PSD: variants seen among roughly 807,000 people sequenced by gnomAD.
PSD encodes PH and SEC7 domain-containing protein 1.
PSD carries 32 observed loss-of-function variants against 91.6 expected under a neutral mutation model. The observed-to-expected ratio is 0.35, with a 90% CI of 0.26 to 0.47. The LOEUF (loss-of-function observed/expected upper bound fraction) is 0.47, where lower values mean the gene tolerates loss of function less well. PSD is among the 20% of genes least tolerant of loss of function. The pLI, the probability that PSD is intolerant of heterozygous loss-of-function variation, is 1.00. For synonymous variants in PSD, 532 were observed against 569.3 expected, an observed-to-expected ratio of 0.93 and a Z score of 0.93; for missense variants, 1,099 against 1,373.9, an observed-to-expected ratio of 0.80 and a Z score of 3.16.
At position 102,409,796 on chromosome 10, in the gene PSD, T is replaced by A. The variant is rs936401468; in HGVS notation, c.2091+1062A>T. On this transcript the variant is annotated intron_variant, in intron 10 of 16. Coordinates refer to ENST00000020673, the MANE Select transcript of PSD (RefSeq NM_002779.5). This position sits in a 1 kb window ranked among gnomAD's most constrained non-coding sequence, Gnocchi z 5.7. ...CACTTCAAAACTTAGAATCTTTAGC[T>A]CACAAAGATACACCCCCTACTCAGA... Among the ~76,000 whole-genome samples the A allele has an allele frequency of 2.6e-5, 4 of 151,932 alleles. No homozygotes were observed. The highest frequency in any genetic ancestry group is 9.7e-5 in the African/African-American group (4 of 41,298).
chr10:102,418,847 C>T (rs2061519601), upstream of PSD: 1 of 378,338 alleles, frequency 2.6e-6, no homozygotes, highest in Non-Finnish European at 5.4e-6. Context: ...TCAGGCAACG[C>T]TAATCCCCCC....
rs116018728 is a variant in PSD, at chr10:102,407,077, G to A, written c.2135+146C>T. 3.4e-3 allele frequency: 2,081 copies of A among 619,914 alleles called. 33 individuals are homozygous for A. The African/African-American group carries it at 0.037, about 11-fold the overall frequency. 38.4% of individuals were successfully genotyped at this position (619,914 alleles called of 1,614,324 possible). On this transcript the variant is annotated intron_variant, in intron 11 of 16. Transcript: ENST00000020673. ...AATCCAGGCAGACATCTCCAAAGAA[G>A]GAAGTGAGGCAGCCTCACTGCCTCT...
chr10:102,405,700 G>A lies in PSD; in HGVS notation c.2136-164C>T. On this transcript the variant is annotated intron_variant, in intron 11 of 16. Coordinates refer to ENST00000020673, the MANE Select transcript of PSD (RefSeq NM_002779.5). The surrounding 1 kb of genome is among the most constrained non-coding windows in gnomAD (Gnocchi z 5.4). ...CCGTCTCAGATCAGGCCTCCACAAT[G>A]TGTAGCTGTGCCTCCTCAGAGCAGG... The A allele has an allele frequency of 1.5e-6, 1 of 652,460 alleles. No individual in the cohort carries two copies. Among genetic ancestry groups the A allele is most frequent in the Non-Finnish European group, 2.6e-6 (1 of 384,644 alleles). 40.4% of individuals were successfully genotyped at this position (652,460 alleles called of 1,614,324 possible).
chr10:102,409,349 G>A lies in PSD; in HGVS notation c.2091+1509C>T. 1.0e-6 allele frequency: 1 copy of A among 985,344 alleles called. No homozygotes were observed. The highest frequency in any genetic ancestry group is 1.2e-6 in the Non-Finnish European group (1 of 829,754). 61.0% of individuals were successfully genotyped at this position (985,344 alleles called of 1,614,324 possible). On this transcript the variant is annotated intron_variant, in intron 10 of 16. Coordinates refer to ENST00000020673, the MANE Select transcript of PSD (RefSeq NM_002779.5). This position sits in a 1 kb window ranked among gnomAD's most constrained non-coding sequence, Gnocchi z 5.7. Reference sequence around the variant, plus strand: ...CGAGGGCTGGGGGCGGGGACCGCATGAAATGGAGGCGCCCGATCGCGAAGG... The same window carrying A: ...CGAGGGCTGGGGGCGGGGACCGCATAAAATGGAGGCGCCCGATCGCGAAGG...
Position 102,414,526 on chromosome 10 carries a change from G to A in PSD, c.1125-329C>T, listed in dbSNP as rs2061455744. ...AGAAGATGAGGCTCCAAGCGACACT[G>A]GGGTGTGAGACGGAAAGGAATGTCC... is the stretch of plus-strand genomic sequence containing the variant. On this transcript the variant is annotated intron_variant, in intron 4 of 16. Transcript: ENST00000020673. The surrounding 1 kb of genome is among the most constrained non-coding windows in gnomAD (Gnocchi z 5.6). Among the ~76,000 whole-genome samples the A allele has an allele frequency of 6.6e-6, 1 of 152,058 alleles. No homozygotes were observed. Among genetic ancestry groups the A allele is most frequent in the Non-Finnish European group, 1.5e-5 (1 of 67,988 alleles).
chr10:102,406,099 T>C (rs1291360373), intron 11 of PSD: 2 of 152,790 alleles, frequency 1.3e-5, no homozygotes, highest in Non-Finnish European at 2.9e-5. Context: ...CCCCCAACAG[T>C]GTTTTTCTCC....
At position 102,410,911 on chromosome 10, in the gene PSD, C is replaced by T. The variant is rs765649110; in HGVS notation, c.2038G>A (p.Gly680Arg). Residue 680 changes from glycine (G) to arginine (R), a missense_variant, in exon 10 of 17, where the codon GGG (glycine) becomes AGG (arginine). Transcript: ENST00000020673. The surrounding 1 kb of genome is among the most constrained non-coding windows in gnomAD (Gnocchi z 6.0). ...CCATCATTGAGGCCCTCCAGGTTCC[C>T]GATGAAGTCCCCGCAGGTCATGCGC... ...GKRMTCGDFI[G>R]NLEGLNDGGD... The T allele has an allele frequency of 8.1e-6, 13 of 1,613,892 alleles. No homozygotes were observed. The highest frequency in any genetic ancestry group is 1.1e-5 in the Non-Finnish European group (13 of 1,179,894).
chr10:102,403,120 G>T lies in PSD; in HGVS notation c.*80C>A. 2 of 1,209,914 alleles carry T rather than the reference G, an allele frequency of 1.7e-6. No individual in the cohort carries two copies. The highest frequency in any genetic ancestry group is 3.0e-4 in the Middle Eastern group (1 of 3,374). 74.9% of individuals were successfully genotyped at this position (1,209,914 alleles called of 1,614,324 possible). A position where few individuals can be genotyped will look rare whatever the true frequency, so the allele number is the denominator to read the frequency against. ...CTAGGCCGGGAGGCCCTCGTGGGTG[G>T]CCCGAGGCCGGCCCGGGCTCAGGCA... On this transcript the variant is annotated 3_prime_UTR_variant, in exon 17 of 17. Coordinates refer to ENST00000020673, the MANE Select transcript of PSD (RefSeq NM_002779.5). This position sits in a 1 kb window ranked among gnomAD's most constrained non-coding sequence, Gnocchi z 6.7.
Position 102,409,697 on chromosome 10 carries a change from G to C in PSD, c.2091+1161C>G, listed in dbSNP as rs1019612187. 1.3e-5 allele frequency among the ~76,000 whole-genome samples: 2 copies of C among 152,020 alleles called. No individual in the cohort carries two copies. The highest frequency in any genetic ancestry group is 2.4e-5 in the African/African-American group (1 of 41,364). ...AAGTCACGTAACACACCTCGATTCTGACATACACCCCAACAAACCAGACGC... is the reference window on the plus strand; with the variant it reads ...AAGTCACGTAACACACCTCGATTCTCACATACACCCCAACAAACCAGACGC... On this transcript the variant is annotated intron_variant, in intron 10 of 16. Transcript: ENST00000020673. The surrounding 1 kb of genome is among the most constrained non-coding windows in gnomAD (Gnocchi z 5.7).
Position 102,409,298 on chromosome 10 carries a change from G to C in PSD, c.2091+1560C>G, listed in dbSNP as rs992749825. The C allele has an allele frequency of 6.1e-6, 6 of 985,322 alleles. No individual in the cohort carries two copies. The East Asian group carries it at 6.8e-4, about 112-fold the overall frequency. The allele number at this position is 985,322 out of a possible 1,614,324, so 61.0% of individuals were successfully genotyped here. ...GCTCTGCGGCTTGGCTAGAGCGGGA[G>C]GGGGGCGCCGACGGGAAAGGGAGGG... is the stretch of plus-strand genomic sequence containing the variant. On this transcript the variant is annotated intron_variant, in intron 10 of 16. Coordinates refer to ENST00000020673, the MANE Select transcript of PSD (RefSeq NM_002779.5). This position sits in a 1 kb window ranked among gnomAD's most constrained non-coding sequence, Gnocchi z 5.7.
rs1019135855 is a variant in PSD, at chr10:102,404,145, G to A, written c.2701-160C>T. 1.3e-5 allele frequency among the ~76,000 whole-genome samples: 2 copies of A among 152,120 alleles called. No homozygotes were observed. Among genetic ancestry groups the A allele is most frequent in the African/African-American group, 2.4e-5 (1 of 41,418 alleles). On this transcript the variant is annotated intron_variant, in intron 15 of 16. Coordinates refer to ENST00000020673, the MANE Select transcript of PSD (RefSeq NM_002779.5). The surrounding 1 kb of genome is among the most constrained non-coding windows in gnomAD (Gnocchi z 5.7). ...GGGCGGATCACGAGGTCAGGAGATCGAGACCATCCTGGCTAACACGGTGAA... is the reference window on the plus strand; with the variant it reads ...GGGCGGATCACGAGGTCAGGAGATCAAGACCATCCTGGCTAACACGGTGAA...
rs2061458339 is a variant in PSD, at chr10:102,414,763, T to G, written c.1124+100A>C. 7.0e-7 allele frequency: 1 copy of G among 1,428,188 alleles called. No homozygotes were observed. The highest frequency in any genetic ancestry group is 2.3e-5 in the Admixed American group (1 of 42,888). The allele number at this position is 1,428,188 out of a possible 1,614,324, so 88.5% of individuals were successfully genotyped here. On this transcript the variant is annotated intron_variant, in intron 4 of 16. Transcript: ENST00000020673. This position sits in a 1 kb window ranked among gnomAD's most constrained non-coding sequence, Gnocchi z 5.6. ...CACTGCCCCGCCAGCCCCACACCCA[T>G]CTCTATCCCAGGCCCTTTGAGCCCG...
At chr10:102,417,596 T>C (rs527801006) in intron 1 of PSD, among the ~76,000 whole-genome samples, 1 of 152,100 alleles carries the variant, frequency 6.6e-6, no homozygotes, top group Non-Finnish European at 1.5e-5. Context: ...GAACAGGTGT[T>C]ATATAGGGAT....
At chr10:102,413,687 C>A (rs1589890836) in intron 5 of PSD, 82 bp downstream of exon 5, 1 of 1,391,424 alleles carries the variant, frequency 7.2e-7, no homozygotes, top group Non-Finnish European at 9.8e-7. Flanking sequence ...AACCAATCCT[C>A]ACACTCAGGA....
At chr10:102,418,810 T>TCCCTCCC, upstream of PSD, 2 of 434,368 alleles carry the variant, frequency 4.6e-6, no homozygotes, top group Non-Finnish European at 9.2e-6. Flanking sequence ...CGCCTCTCAG[T>TCCCTCCC]CCCTCCCCCT....
Position 102,412,429 on chromosome 10 carries a change from C to T in PSD, c.1700G>A (p.Arg567Gln), listed in dbSNP as rs1307605002. The T allele has an allele frequency of 4.3e-6, 7 of 1,614,068 alleles. No homozygotes were observed. Among genetic ancestry groups the T allele is most frequent in the Admixed American group, 3.3e-5 (2 of 60,018 alleles). The change falls in exon 6 of 17, where the codon CGA (arginine) becomes CAA (glutamine). Residue 567 changes from arginine to glutamine, a missense_variant. By Grantham distance (43) the Arg-to-Gln change is conservative. Transcript: ENST00000020673. ...AAQRLAKRLY[R>Q]LDGFRKADVA... Reference sequence around the variant, plus strand: ...ATCGGCCTTCCTGAAGCCATCTAGTCGGTACAGCCTCTTGGCCAGGCGCTG... The same window carrying T: ...ATCGGCCTTCCTGAAGCCATCTAGTTGGTACAGCCTCTTGGCCAGGCGCTG...
upstream of PSD, chr10:102,419,872 A>G: frequency 4.4e-6 from 1 of 228,060 alleles, no homozygotes; most frequent in South Asian, 3.7e-5. The surrounding 1 kb of genome is among the most constrained non-coding windows in gnomAD (Gnocchi z 4.8). Flanking sequence ...GCAAGCCCTC[A>G]CCTAACTTGA....
chr10:102,416,189 C>G lies in PSD; in HGVS notation c.655-70G>C. On this transcript the variant is annotated intron_variant, in intron 2 of 16. Transcript: ENST00000020673. This position sits in a 1 kb window ranked among gnomAD's most constrained non-coding sequence, Gnocchi z 6.0. The stretch of plus-strand genomic sequence containing the variant: ...CATACAAGGACACAAGAATATGGGA[C>G]AGAAACAGAAATTAAAACATGCATC... 1 of 1,306,396 alleles carries G rather than the reference C, an allele frequency of 7.7e-7. No individual in the cohort carries two copies. The highest frequency in any genetic ancestry group is 1.1e-6 in the Non-Finnish European group (1 of 929,768). 80.9% of individuals were successfully genotyped at this position (1,306,396 alleles called of 1,614,324 possible). A position where few individuals can be genotyped will look rare whatever the true frequency, so the allele number is the denominator to read the frequency against.
Position 102,405,633 on chromosome 10 carries a change from T to C in PSD, c.2136-97A>G. On this transcript the variant is annotated intron_variant, in intron 11 of 16. Transcript: ENST00000020673. The surrounding 1 kb of genome is among the most constrained non-coding windows in gnomAD (Gnocchi z 5.4). ...CGCCCTGGAAAAGCTCCCCCAGTGTTTGTGGCTTGGGGGGCTCAACCTGAG... is the reference window on the plus strand; with the variant it reads ...CGCCCTGGAAAAGCTCCCCCAGTGTCTGTGGCTTGGGGGGCTCAACCTGAG... 4.1e-6 allele frequency: 5 copies of C among 1,233,526 alleles called. No homozygotes were observed. Among genetic ancestry groups the C allele is most frequent in the African/African-American group, 1.5e-5 (1 of 66,112 alleles). 76.4% of individuals were successfully genotyped at this position (1,233,526 alleles called of 1,614,324 possible).
Sources: gnomAD v4.1 joint callset for allele counts (sites outside exome capture counted in the v4.1 genomes callset) on GRCh38, gnomAD v4.1.1 for gene constraint, Gnocchi (gnomAD v3.1) non-coding constraint, MANE v1.5 for transcripts, NCBI Gene and HGNC (gene_info 2026-07-23, HGNC 2026-07-21) for gene names.